The following FGF14 variants were observed in gnomAD, a reference collection of about 807,000 sequenced individuals.
FGF14 encodes fibroblast growth factor homologous factor 4.
FGF14 carries 5 observed loss-of-function variants against 25.5 expected under a neutral mutation model. That is an observed-to-expected ratio of 0.20 (90% CI 0.10 to 0.41). FGF14 has a LOEUF of 0.41. Among genes scored for constraint, FGF14 ranks in the 10% least tolerant of loss-of-function variants. FGF14 has a pLI of 1.00. For synonymous variants in FGF14, 138 were observed against 118.3 expected, an observed-to-expected ratio of 1.17 and a Z score of -1.08; for missense variants, 222 against 320.1, an observed-to-expected ratio of 0.69 and a Z score of 2.34.
At chr13:101,838,927 G>A (rs1207536154) in intron 3 of FGF14, among the ~76,000 whole-genome samples, 2 of 152,046 alleles carry the variant, frequency 1.3e-5, no homozygotes, top group South Asian at 2.1e-4. Context: ...AGAGCTATAA[G>A]TAGAGGAAGC....
chr13:102,079,755 C>A (rs560711520), intron 1 of FGF14, among the ~76,000 whole-genome samples: 1 of 152,228 alleles, frequency 6.6e-6, no homozygotes, highest in East Asian at 1.9e-4. Context: ...TACACACATA[C>A]ATATAGATAG....
At chr13:102,291,583 A>G (rs1221455068) in intron 1 of FGF14, among the ~76,000 whole-genome samples, 1 of 152,182 alleles carries the variant, frequency 6.6e-6, no homozygotes, top group Non-Finnish European at 1.5e-5. Flanking sequence ...ATTTTTTAGA[A>G]CCAGAAAAAT....
chr13:101,722,689 A>C lies in FGF14; in HGVS notation c.*142T>G. ...AACAGGTTGAGATTTATCCACTTGCAACAGAGAAGTTCGGAGACAGCAAAG... is the reference window on the plus strand; with the variant it reads ...AACAGGTTGAGATTTATCCACTTGCCACAGAGAAGTTCGGAGACAGCAAAG... On this transcript the variant is annotated 3_prime_UTR_variant, in exon 5 of 5. Coordinates refer to ENST00000376143, the MANE Select transcript of FGF14 (RefSeq NM_004115.4). 1.8e-6 allele frequency: 2 copies of C among 1,142,294 alleles called. No individual in the cohort carries two copies. Among genetic ancestry groups the C allele is most frequent in the South Asian group, 2.7e-5 (2 of 72,960 alleles). 70.8% of individuals were successfully genotyped at this position (1,142,294 alleles called of 1,614,324 possible). A position where few individuals can be genotyped will look rare whatever the true frequency, so the allele number is the denominator to read the frequency against.
At chr13:102,303,599 A>G (rs369788484) in intron 1 of FGF14, among the ~76,000 whole-genome samples, 41 of 152,308 alleles carry the variant, frequency 2.7e-4, no homozygotes, top group African/African-American at 9.9e-4. Context: ...GTAAACTCCA[A>G]TTTTACAAAT....
intron 1 of FGF14, among the ~76,000 whole-genome samples, chr13:102,116,183 A>G (rs375463213): frequency 1.3e-5 from 2 of 152,208 alleles, no homozygotes; most frequent in East Asian, 1.9e-4. Flanking sequence ...GGCTATTATA[A>G]TAATTTAAAA....
intron 3 of FGF14, among the ~76,000 whole-genome samples, chr13:101,809,702 G>T (rs1487166375): frequency 1.3e-5 from 2 of 152,110 alleles, no homozygotes; most frequent in African/African-American, 4.8e-5. Flanking sequence ...AAATGGGGTT[G>T]TATAGGACTC....
In FGF14 at chr13:101,976,687, T is replaced by C. The variant is rs1305635155; in HGVS notation, c.209-101391A>G. The stretch of plus-strand genomic sequence containing the variant: ...ACTGTGCCATCACCCTCATTTCCTG[T>C]TCCTCACTGATTTTTCATTCAGTAC... On this transcript the variant is annotated intron_variant, in intron 1 of 4. Coordinates refer to the FGF14 transcript ENST00000376131. Among the ~76,000 whole-genome samples the C allele has an allele frequency of 3.9e-5, 6 of 152,208 alleles. No individual in the cohort carries two copies. In the East Asian group the frequency reaches 1.2e-3, roughly 29 times the overall value.
intron 4 of FGF14, among the ~76,000 whole-genome samples, chr13:101,724,274 TA>T (rs1566819224): frequency 6.6e-6 from 1 of 151,856 alleles, no homozygotes; most frequent in Non-Finnish European, 1.5e-5. Flanking sequence ...TATGCAGCCA[TA>T]AAAAATGATG....
chr13:102,022,772 C>A (rs1207498850), intron 1 of FGF14, among the ~76,000 whole-genome samples: 1 of 152,020 alleles, frequency 6.6e-6, no homozygotes, highest in South Asian at 2.1e-4. Flanking sequence ...AAGAGAATAT[C>A]TTTGTATAAA....
At chr13:101,878,143 C>T (rs1235567968) in intron 1 of FGF14, among the ~76,000 whole-genome samples, 1 of 152,184 alleles carries the variant, frequency 6.6e-6, no homozygotes, top group Non-Finnish European at 1.5e-5. Flanking sequence ...CTGCAAGTAG[C>T]CTCACCTGGG....
intron 1 of FGF14, among the ~76,000 whole-genome samples, chr13:102,313,314 T>C (rs1177929582): frequency 6.6e-6 from 1 of 152,210 alleles, no homozygotes; most frequent in Non-Finnish European, 1.5e-5. Flanking sequence ...ATTATGTGCC[T>C]AGTCTCTTCA....
chr13:102,224,395 T>A (rs2050744101), intron 1 of FGF14, among the ~76,000 whole-genome samples: 1 of 152,162 alleles, frequency 6.6e-6, no homozygotes, highest in African/African-American at 2.4e-5. Context: ...GATATTTCAT[T>A]GTACTGTGTA....
intron 1 of FGF14, among the ~76,000 whole-genome samples, chr13:102,218,789 T>C (rs1353294798): frequency 6.6e-6 from 1 of 152,200 alleles, no homozygotes. Flanking sequence ...TGCATTTATA[T>C]GAATATGTAG....
intron 1 of FGF14, among the ~76,000 whole-genome samples, chr13:101,977,620 A>C (rs1193348398): frequency 6.6e-6 from 1 of 152,162 alleles, no homozygotes; most frequent in Non-Finnish European, 1.5e-5. Flanking sequence ...TGAGCTGGAC[A>C]AGAGAGCAGA....
intron 3 of FGF14, among the ~76,000 whole-genome samples, chr13:101,812,217 A>C (rs372119042): frequency 3.9e-5 from 6 of 152,230 alleles, no homozygotes; most frequent in Admixed American, 2.6e-4. Context: ...ACAGGATTGG[A>C]AATTTTGTTA....
At chr13:101,964,429 T>C (rs1050386693) in intron 1 of FGF14, among the ~76,000 whole-genome samples, 6 of 152,366 alleles carry the variant, frequency 3.9e-5, no homozygotes, top group Admixed American at 3.9e-4. Context: ...TTCTGGGAGC[T>C]GGGTCTATCC....
chr13:102,147,539 A>T (rs2140485398), intron 1 of FGF14, among the ~76,000 whole-genome samples: 1 of 152,332 alleles, frequency 6.6e-6, no homozygotes, highest in Middle Eastern at 3.4e-3. Flanking sequence ...AAATATTGTG[A>T]CAGTGCAGAG....
chr13:102,204,239 T>C (rs2049803427), intron 1 of FGF14, among the ~76,000 whole-genome samples: 1 of 152,206 alleles, frequency 6.6e-6, no homozygotes, highest in African/African-American at 2.4e-5. Context: ...GCCTCCACCA[T>C]ATGTGATGGT....
intron 1 of FGF14, among the ~76,000 whole-genome samples, chr13:102,320,222 C>G (rs1032725277): frequency 6.9e-6 from 1 of 145,764 alleles, no homozygotes; most frequent in East Asian, 2.0e-4. Flanking sequence ...AAAGTATGAG[C>G]ATGCAATTAA....
Sources: allele counts gnomAD v4.1 joint callset (sites outside exome capture counted in the v4.1 genomes callset), GRCh38; gene constraint gnomAD v4.1.1; transcripts MANE v1.5; gene names NCBI Gene and HGNC (gene_info 2026-07-23, HGNC 2026-07-21).